Variants in AGO2 observed in about 807,000 individuals in gnomAD.
AGO2 encodes the protein protein argonaute-2.
AGO2 carries 5 observed loss-of-function variants against 102.3 expected under a neutral mutation model. The observed-to-expected ratio is 0.05, with a 90% CI of 0.03 to 0.10. The LOEUF (loss-of-function observed/expected upper bound fraction) is 0.10, where lower values mean the gene tolerates loss of function less well. Ranked by LOEUF, AGO2 falls within the 10% of genes least tolerant of loss-of-function variation. The pLI is 1.00. For missense variants in AGO2, 541 were observed against 1,183.7 expected, an observed-to-expected ratio of 0.46 and a Z score of 7.97; for synonymous variants, 449 against 473.1, an observed-to-expected ratio of 0.95 and a Z score of 0.66.
In AGO2 at chr8:140,532,370, G is replaced by A. The variant is rs1044412241; in HGVS notation, c.2471+46C>T. 3.2e-6 allele frequency: 5 copies of A among 1,574,158 alleles called. No individual in the cohort carries two copies. In the African/African-American group the frequency reaches 4.0e-5, roughly 13 times the overall value. On this transcript the variant is annotated intron_variant, in intron 18 of 18. Transcript: ENST00000220592. ...AGAAAAGCAGCTGCCAATACCCGTGGCAAAAACCACCCCTGCTGTGACCTC... is the reference window on the plus strand; with the variant it reads ...AGAAAAGCAGCTGCCAATACCCGTGACAAAAACCACCCCTGCTGTGACCTC...
In AGO2 at chr8:140,531,801, G is replaced by A. The variant is rs1463753470; in HGVS notation, c.*243C>T. ...GACACACGGGACTCTGTTTTAATAA[G>A]CAGCTTATAGATTTTAGCAAACCAT... On this transcript the variant is annotated 3_prime_UTR_variant, in exon 19 of 19. Coordinates refer to ENST00000220592, the MANE Select transcript of AGO2 (RefSeq NM_012154.5). 6 of 415,124 alleles carry A rather than the reference G, an allele frequency of 1.4e-5. No homozygotes were observed. The highest frequency in any genetic ancestry group is 2.6e-5 in the Non-Finnish European group (6 of 227,246). 25.7% of individuals were successfully genotyped at this position (415,124 alleles called of 1,614,324 possible). A position where few individuals can be genotyped will look rare whatever the true frequency, so the allele number is the denominator to read the frequency against.
intron 1 of AGO2, among the ~76,000 whole-genome samples, chr8:140,619,373 T>C (rs1241013994): frequency 6.6e-6 from 1 of 152,116 alleles, no homozygotes; most frequent in Non-Finnish European, 1.5e-5. Context: ...CTGAATGTCT[T>C]ACACTAGACG....
intron 1 of AGO2, among the ~76,000 whole-genome samples, chr8:140,609,424 C>G (rs1400940835): frequency 1.3e-5 from 2 of 152,226 alleles, no homozygotes; most frequent in African/African-American, 4.8e-5. Context: ...AGCTGGCAAC[C>G]TTGAGACTCT....
intron 12 of AGO2, among the ~76,000 whole-genome samples, chr8:140,548,641 T>C (rs1241292711): frequency 6.6e-6 from 1 of 152,182 alleles, no homozygotes; most frequent in Non-Finnish European, 1.5e-5. Flanking sequence ...GGTTTTTACA[T>C]GTCAATAATC....
At chr8:140,551,564 T>G (rs2072995947) in intron 10 of AGO2, 128 bp from the exon 11 acceptor site, 1 of 1,075,600 alleles carries the variant, frequency 9.3e-7, no homozygotes, top group African/African-American at 1.6e-5. Context: ...ACTTTTGTGT[T>G]GTCTCCTGTC....
chr8:140,626,195 G>A (rs1342924920), intron 1 of AGO2, among the ~76,000 whole-genome samples: 1 of 152,320 alleles, frequency 6.6e-6, no homozygotes, highest in Middle Eastern at 3.4e-3. Flanking sequence ...AGCTGTCGGG[G>A]TCCGGCGCAC....
chr8:140,542,731 CA>C (rs2072823282), intron 14 of AGO2, among the ~76,000 whole-genome samples: 1 of 152,228 alleles, frequency 6.6e-6, no homozygotes, highest in Non-Finnish European at 1.5e-5. Flanking sequence ...TCCCCAGCTG[CA>C]GGACCCTCGG....
rs561115969 is a variant in AGO2, at chr8:140,545,817, C to T, written c.1749-1514G>A. On this transcript the variant is annotated intron_variant, in intron 13 of 18. Coordinates refer to ENST00000220592, the MANE Select transcript of AGO2 (RefSeq NM_012154.5). ...CCCTGGCGTGGCCGAGGCCACCAGC[C>T]CCTCTCGGCTTCACGGAGCCAGAGG... is the stretch of plus-strand genomic sequence containing the variant. 3.3e-5 allele frequency among the ~76,000 whole-genome samples: 5 copies of T among 152,352 alleles called. No homozygotes were observed. In the East Asian group the frequency reaches 7.7e-4, roughly 24 times the overall value.
Position 140,557,034 on chromosome 8 carries a change from C to A in AGO2, c.1026+55G>T. 2 of 1,568,874 alleles carry A rather than the reference C, an allele frequency of 1.3e-6. No individual in the cohort carries two copies. On this transcript the variant is annotated intron_variant, in intron 8 of 18. Coordinates refer to ENST00000220592, the MANE Select transcript of AGO2 (RefSeq NM_012154.5). The surrounding 1 kb of genome is among the most constrained non-coding windows in gnomAD (Gnocchi z 5.9). ...GGTTTCTCGAAGCTGCATGCCCCAG[C>A]CTGGGACGCCGCCCTCCCAAGCCCC...
intron 1 of AGO2, among the ~76,000 whole-genome samples, chr8:140,586,848 G>A (rs1380212221): frequency 6.6e-6 from 1 of 152,190 alleles, no homozygotes; most frequent in East Asian, 1.9e-4. Flanking sequence ...ATCTGGCCCT[G>A]TGGCCAATCT....
At chr8:140,556,103 G>A in intron 9 of AGO2, 64 bp downstream of exon 9, 1 of 1,611,086 alleles carries the variant, frequency 6.2e-7, no homozygotes, top group South Asian at 1.1e-5. Flanking sequence ...AGCATCAGAG[G>A]TTTCTGTGCC....
intron 1 of AGO2, among the ~76,000 whole-genome samples, chr8:140,596,635 T>TTA (rs1415013897): frequency 1.3e-5 from 2 of 152,180 alleles, no homozygotes; most frequent in Admixed American, 1.3e-4. Context: ...CAGATAGTCA[T>TTA]TATGCCATTT....
At chr8:140,578,817 A>ACGGGGC (rs1380149299) in intron 2 of AGO2, among the ~76,000 whole-genome samples, 2 of 152,244 alleles carry the variant, frequency 1.3e-5, no homozygotes, top group Admixed American at 6.5e-5. Context: ...AGCACCCCGC[A>ACGGGGC]CGGGGCCGGG....
chr8:140,531,969 T>G lies in AGO2; in HGVS notation c.*75A>C. The G allele has an allele frequency of 7.8e-7, 1 of 1,275,262 alleles. No individual in the cohort carries two copies. Among genetic ancestry groups the G allele is most frequent in the Non-Finnish European group, 1.1e-6 (1 of 878,436 alleles). The allele number at this position is 1,275,262 out of a possible 1,614,324, so 79.0% of individuals were successfully genotyped here. ...TCGATGCTGGCTGTCACGGAAGGGC[T>G]GGCCATCTGTTGGTCTGAGTGTAGC... On this transcript the variant is annotated 3_prime_UTR_variant, in exon 19 of 19. Coordinates refer to ENST00000220592, the MANE Select transcript of AGO2 (RefSeq NM_012154.5).
intron 1 of AGO2, among the ~76,000 whole-genome samples, chr8:140,600,940 A>C (rs1588496056): frequency 1.3e-5 from 2 of 151,892 alleles, no homozygotes; most frequent in Admixed American, 1.3e-4. Context: ...TCAAAAAAAA[A>C]AAACCCGAAT....
intron 1 of AGO2, among the ~76,000 whole-genome samples, chr8:140,633,102 G>A (rs1421486537): frequency 2.0e-5 from 3 of 151,970 alleles, no homozygotes; most frequent in African/African-American, 7.3e-5. Flanking sequence ...TAGTAGAGAC[G>A]GGGTTTCATG....
Position 140,597,467 on chromosome 8 carries a change from C to G in AGO2, c.23-12156G>C, listed in dbSNP as rs1471497906. Among the ~76,000 whole-genome samples, 24 of 14,904 alleles carry G rather than the reference C, an allele frequency of 1.6e-3. 2 individuals are homozygous for G. Among genetic ancestry groups the G allele is most frequent in the African/African-American group, 4.2e-3 (22 of 5,204 alleles). The allele number at this position is 14,904 out of a possible 152,430, so 9.8% of individuals were successfully genotyped here. A position where few individuals can be genotyped will look rare whatever the true frequency, so the allele number is the denominator to read the frequency against. On this transcript the variant is annotated intron_variant, in intron 1 of 18. Transcript: ENST00000220592. Reference sequence around the variant, plus strand: ...ACGGACACCGATGGGGGCTGGGTGGCCCCCCCACCCCCCCCCCCCCGCCCC... The same window carrying G: ...ACGGACACCGATGGGGGCTGGGTGGGCCCCCCACCCCCCCCCCCCCGCCCC...
In AGO2 at chr8:140,535,459, C is replaced by T. The variant is rs769714972; in HGVS notation, c.2271+9G>A. 20 of 1,613,750 alleles carry T rather than the reference C, an allele frequency of 1.2e-5. No homozygotes were observed. Among genetic ancestry groups the T allele is most frequent in the African/African-American group, 2.7e-5 (2 of 74,934 alleles). On this transcript the variant is annotated intron_variant, in intron 17 of 18. Transcript: ENST00000220592. ...CAAGACTCTGTCCGAAGGGGACTCC[C>T]GGCCTTACCTGGATGCCAGCGTGAC...
chr8:140,619,777 C>T (rs535927306), intron 1 of AGO2, among the ~76,000 whole-genome samples: 23 of 152,260 alleles, frequency 1.5e-4, no homozygotes, highest in East Asian at 5.8e-4. Context: ...GGACAGTGAG[C>T]GCCAGGGTTC....
Sources: gnomAD v4.1 joint callset for allele counts (sites outside exome capture counted in the v4.1 genomes callset) on GRCh38, gnomAD v4.1.1 for gene constraint, Gnocchi (gnomAD v3.1) non-coding constraint, MANE v1.5 for transcripts, NCBI Gene and HGNC (gene_info 2026-07-23, HGNC 2026-07-21) for gene names.